Variants in CTIF observed in about 807,000 individuals in gnomAD.
CTIF encodes the protein cap binding complex dependent translation initiation factor.
CTIF carries 21 observed loss-of-function variants against 66.0 expected under a neutral mutation model. The ratio of observed to expected loss-of-function variants is 0.32; its 90% CI spans 0.23 to 0.46. The LOEUF (loss-of-function observed/expected upper bound fraction) is 0.46. Among genes scored for constraint, CTIF ranks in the 20% least tolerant of loss-of-function variants. CTIF has a pLI of 1.00. For missense variants in CTIF, 739 were observed against 812.7 expected (o/e 0.91, Z 1.10); for synonymous variants, 345 against 326.4 (o/e 1.06, Z -0.62).
intron 1 of CTIF, among the ~76,000 whole-genome samples, chr18:48,579,450 T>C (rs377105377): frequency 3.3e-5 from 5 of 152,244 alleles, no homozygotes; most frequent in South Asian, 2.1e-4. Context: ...CTGGCCATCT[T>C]TACTGTTTTA....
intron 1 of CTIF, among the ~76,000 whole-genome samples, chr18:48,610,442 C>T (rs374469839): frequency 1.2e-4 from 11 of 88,362 alleles, no homozygotes; most frequent in African/African-American, 2.0e-4. Context: ...GATGCCCTCC[C>T]GCCTATTGGG....
chr18:48,855,084 C>T (rs2069296685), intron 10 of CTIF, among the ~76,000 whole-genome samples: 1 of 152,222 alleles, frequency 6.6e-6, no homozygotes, highest in Non-Finnish European at 1.5e-5. Context: ...ACTGTGCTGG[C>T]CTGGCGCAGG....
intron 6 of CTIF, among the ~76,000 whole-genome samples, chr18:48,692,034 C>T (rs1598880522): frequency 2.0e-5 from 3 of 152,148 alleles, no homozygotes; most frequent in Admixed American, 2.0e-4. Context: ...GCGTGTGCCA[C>T]CATGCCCAGC....
At chr18:48,743,370 A>G (rs541121301) in intron 7 of CTIF, among the ~76,000 whole-genome samples, 1 of 152,254 alleles carries the variant, frequency 6.6e-6, no homozygotes, top group Admixed American at 6.5e-5. Flanking sequence ...AGAATATTAC[A>G]AAATCAAACC....
chr18:48,732,139 G>A (rs1486149683), intron 7 of CTIF, among the ~76,000 whole-genome samples: 8 of 152,144 alleles, frequency 5.3e-5, no homozygotes, highest in Non-Finnish European at 7.4e-5. Context: ...CCTGGCCGCC[G>A]GGCTCACATG....
At chr18:48,726,693 G>A (rs1254502962) in intron 7 of CTIF, among the ~76,000 whole-genome samples, 4 of 152,130 alleles carry the variant, frequency 2.6e-5, no homozygotes, top group African/African-American at 9.7e-5. Flanking sequence ...CGAAGCTGCA[G>A]TATGCTTTGT....
intron 9 of CTIF, among the ~76,000 whole-genome samples, chr18:48,776,232 T>G (rs1910658397): frequency 6.6e-6 from 1 of 152,234 alleles, no homozygotes; most frequent in Admixed American, 6.5e-5. Context: ...AGGGTAGGGA[T>G]GCCCACCTCC....
intron 6 of CTIF, among the ~76,000 whole-genome samples, chr18:48,685,026 T>A (rs1236511422): frequency 7.2e-6 from 1 of 139,372 alleles, no homozygotes; most frequent in African/African-American, 2.8e-5. Flanking sequence ...TTTTGTTTGT[T>A]TGTATTTTTT....
At chr18:48,748,017 A>C (rs930464206) in intron 7 of CTIF, among the ~76,000 whole-genome samples, 1 of 152,066 alleles carries the variant, frequency 6.6e-6, no homozygotes, top group Non-Finnish European at 1.5e-5. Context: ...CGGCCAAAGT[A>C]ATGGAGAAAG....
rs189760252 is a variant in CTIF, at chr18:48,724,118, A to G, written c.584+12423A>G. Among the ~76,000 whole-genome samples, 828 of 152,290 alleles carry G rather than the reference A, an allele frequency of 5.4e-3. 3 individuals carry two copies. Among genetic ancestry groups the G allele is most frequent in the Non-Finnish European group, 9.3e-3 (635 of 68,024 alleles). ...TCTCTAAGCACCTGCAGGGATTTCA[A>G]TGCCCTTCAAATTATGGGCTGGATG... is the stretch of plus-strand genomic sequence containing the variant. On this transcript the variant is annotated intron_variant, in intron 7 of 11. Transcript: ENST00000256413.
intron 1 of CTIF, among the ~76,000 whole-genome samples, chr18:48,592,172 G>T (rs1388326354): frequency 6.6e-6 from 1 of 152,168 alleles, no homozygotes; most frequent in Admixed American, 6.5e-5. Context: ...CTCTCTAGCT[G>T]CCGAGAGACC....
At chr18:48,785,419 C>T (rs896022884) in intron 9 of CTIF, among the ~76,000 whole-genome samples, 1 of 152,214 alleles carries the variant, frequency 6.6e-6, no homozygotes, top group African/African-American at 2.4e-5. Context: ...GCGGCCTGCA[C>T]TGCTGGAGGA....
chr18:48,597,275 TGACTGGA>T (rs1185435026), intron 1 of CTIF, among the ~76,000 whole-genome samples: 13 of 152,212 alleles, frequency 8.5e-5, no homozygotes, highest in African/African-American at 3.1e-4. Flanking sequence ...GACAGACCTG[TGACTGGA>T]TAGATGACCA....
intron 1 of CTIF, among the ~76,000 whole-genome samples, chr18:48,584,379 A>G (rs1191084961): frequency 6.6e-6 from 1 of 152,170 alleles, no homozygotes; most frequent in African/African-American, 2.4e-5. Flanking sequence ...GACTATTACT[A>G]CTGGAGGTCA....
At chr18:48,666,226 G>T (rs1434521685) in intron 5 of CTIF, among the ~76,000 whole-genome samples, 1 of 151,642 alleles carries the variant, frequency 6.6e-6, no homozygotes, top group Non-Finnish European at 1.5e-5. Flanking sequence ...TTCACTTCAG[G>T]TCTAAGTATT....
intron 7 of CTIF, among the ~76,000 whole-genome samples, chr18:48,728,575 C>T (rs1051898572): frequency 3.3e-5 from 5 of 152,124 alleles, no homozygotes; most frequent in African/African-American, 9.7e-5. Flanking sequence ...ACACTTGACT[C>T]AGATGGGACT....
At chr18:48,671,737 T>TG (rs2091537742) in intron 6 of CTIF, among the ~76,000 whole-genome samples, 1 of 151,606 alleles carries the variant, frequency 6.6e-6, no homozygotes, top group African/African-American at 2.4e-5. Context: ...CCCTCAACCC[T>TG]GGGGTTCCAA....
Position 48,758,108 on chromosome 18 carries a change from A to G in CTIF, c.774A>G (p.Pro258=), listed in dbSNP as rs755607388. ...RRWHHGNMKH[P]PGDKGEAGAH... Reference sequence around the variant, plus strand: ...GGCACCATGGCAACATGAAGCACCCACCAGGCGACAAGGGGGAGGCAGGCG... The same window carrying G: ...GGCACCATGGCAACATGAAGCACCCGCCAGGCGACAAGGGGGAGGCAGGCG... The change falls in exon 8 of 12, where the codon CCA becomes CCG. Residue 258 remains proline (P), a synonymous_variant. Coordinates refer to ENST00000256413, the MANE Select transcript of CTIF (RefSeq NM_014772.3). The G allele has an allele frequency of 1.2e-5, 19 of 1,613,960 alleles. No individual in the cohort carries two copies. Among genetic ancestry groups the G allele is most frequent in the Non-Finnish European group, 2.5e-6 (3 of 1,180,026 alleles).
intron 6 of CTIF, among the ~76,000 whole-genome samples, chr18:48,677,564 C>G (rs986734096): frequency 6.6e-6 from 1 of 152,204 alleles, no homozygotes; most frequent in Non-Finnish European, 1.5e-5. Flanking sequence ...CTCACGTTGT[C>G]CCATGGAGCA....
Sources: allele counts gnomAD v4.1 joint callset (sites outside exome capture counted in the v4.1 genomes callset), GRCh38; gene constraint gnomAD v4.1.1; transcripts MANE v1.5; gene names NCBI Gene and HGNC (gene_info 2026-07-23, HGNC 2026-07-21).